The following SNRPB variants were observed in gnomAD, a reference collection of about 807,000 sequenced individuals.
SNRPB encodes small nuclear ribonucleoprotein-associated proteins B and B'.
SNRPB carries 5 observed loss-of-function variants against 26.6 expected under a neutral mutation model. That is an observed-to-expected ratio of 0.19 (90% CI 0.10 to 0.39). SNRPB has a LOEUF of 0.39. Among genes scored for constraint, SNRPB ranks in the 10% least tolerant of loss-of-function variants. The pLI is 1.00. For missense variants in SNRPB, 211 were observed against 311.9 expected, an observed-to-expected ratio of 0.68 and a Z score of 2.44; for synonymous variants, 122 against 105.8, an observed-to-expected ratio of 1.15 and a Z score of -0.94.
At chr20:2,468,353 C>G (rs1216380586) in intron 1 of SNRPB, among the ~76,000 whole-genome samples, 1 of 152,192 alleles carries the variant, frequency 6.6e-6, no homozygotes, top group Non-Finnish European at 1.5e-5. Flanking sequence ...ATATAATGGT[C>G]TTTAACCCAA....
At position 2,465,824 on chromosome 20, in the gene SNRPB, A is replaced by G. The variant is rs1228246239; in HGVS notation, c.156-5T>C. 6.2e-7 allele frequency: 1 copy of G among 1,612,058 alleles called. No homozygotes were observed. The highest frequency in any genetic ancestry group is 2.2e-5 in the East Asian group (1 of 44,824). On this transcript the variant is annotated splice_region_variant and splice_polypyrimidine_tract_variant and intron_variant, in intron 2 of 6. Transcript: ENST00000381342. Reference sequence around the variant, plus strand: ...GCTTGTTTGGAGTTCTTTGGCCTAAAGAGAGGTTTAGAAGGAACAAAAAAA... The same window carrying G: ...GCTTGTTTGGAGTTCTTTGGCCTAAGGAGAGGTTTAGAAGGAACAAAAAAA...
At chr20:2,470,332 C>T (rs1321518568) in intron 1 of SNRPB, among the ~76,000 whole-genome samples, 1 of 152,224 alleles carries the variant, frequency 6.6e-6, no homozygotes, top group Admixed American at 6.5e-5. Flanking sequence ...TTACCGGGTC[C>T]CCCTGCGGCT....
intron 6 of SNRPB, 44 bp downstream of exon 6, chr20:2,462,592 A>G: frequency 6.4e-7 from 1 of 1,567,736 alleles, no homozygotes; most frequent in Non-Finnish European, 8.8e-7. Flanking sequence ...CTATCCCACT[A>G]GGCTCTAGGG....
At chr20:2,462,491 G>A in intron 6 of SNRPB, 145 bp downstream of exon 6, 1 of 817,634 alleles carries the variant, frequency 1.2e-6, no homozygotes, top group Non-Finnish European at 2.1e-6. Flanking sequence ...TTTAAGAAAT[G>A]TTCCCTCTTC....
In SNRPB at chr20:2,462,683, A is replaced by G; in HGVS notation, c.638T>C (p.Met213Thr). 6.2e-7 allele frequency: 1 copy of G among 1,609,392 alleles called. No homozygotes were observed. The highest frequency in any genetic ancestry group is 8.5e-7 in the Non-Finnish European group (1 of 1,176,280). ...CCGCATTCCCGGAGGGGGCATGCCC[A>G]TTGGAGTCCCTCTTCCAGGGGGGAT... ...MGIPPGRGTPMGMPPPGMRPP... is the reference protein window; with the variant it reads ...MGIPPGRGTPTGMPPPGMRPP... The change falls in exon 6 of 7, where the codon ATG (methionine) becomes ACG (threonine). Residue 213 changes from methionine to threonine, a missense_variant. Transcript: ENST00000381342.
In SNRPB at chr20:2,461,684, C is replaced by CTTTTT; in HGVS notation, c.*244_*245insAAAAA. On this transcript the variant is annotated 3_prime_UTR_variant, in exon 7 of 7. Coordinates refer to ENST00000381342, the MANE Select transcript of SNRPB (RefSeq NM_003091.4). ...TTTATTATAAACCAGTTTCATAGGCCACAAGGAGATAAAAGGACTATGTAC... is the reference window on the plus strand; with the variant it reads ...TTTATTATAAACCAGTTTCATAGGCCTTTTTACAAGGAGATAAAAGGACTATGTAC... 4.7e-6 allele frequency: 5 copies of CTTTTT among 1,059,664 alleles called. No homozygotes were observed. The East Asian group carries it at 1.3e-4, about 27-fold the overall frequency. 65.6% of individuals were successfully genotyped at this position (1,059,664 alleles called of 1,614,324 possible).
intron 1 of SNRPB, among the ~76,000 whole-genome samples, chr20:2,468,448 G>T (rs1041461760): frequency 3.9e-5 from 6 of 152,128 alleles, no homozygotes. Flanking sequence ...GAACTGTCAG[G>T]TACCCTAAGC....
intron 3 of SNRPB, among the ~76,000 whole-genome samples, chr20:2,464,633 CTA>C (rs974017591): frequency 3.3e-5 from 5 of 152,146 alleles, no homozygotes; most frequent in Non-Finnish European, 5.9e-5. Context: ...TATATGCCCA[CTA>C]TGTGTTAAGT....
chr20:2,469,064 T>C (rs888903885), intron 1 of SNRPB, among the ~76,000 whole-genome samples: 1 of 152,256 alleles, frequency 6.6e-6, no homozygotes, highest in African/African-American at 2.4e-5. Context: ...CAACATTCAC[T>C]GGTCCAGCTC....
At chr20:2,464,778 G>A (rs1346484035) in intron 3 of SNRPB, among the ~76,000 whole-genome samples, 11 of 152,000 alleles carry the variant, frequency 7.2e-5, no homozygotes, top group Non-Finnish European at 1.3e-4. Flanking sequence ...GCTGAGGCAG[G>A]AGAATCACTT....
chr20:2,464,866 C>T (rs1322372140), intron 3 of SNRPB, among the ~76,000 whole-genome samples: 2 of 83,018 alleles, frequency 2.4e-5, no homozygotes, highest in East Asian at 3.8e-4. Context: ...GAGACTCCAT[C>T]TAAAAATCTA....
At chr20:2,466,399 GCAA>G (rs1178952314) in intron 2 of SNRPB, among the ~76,000 whole-genome samples, 1 of 151,922 alleles carries the variant, frequency 6.6e-6, no homozygotes, top group Non-Finnish European at 1.5e-5. Context: ...CCCCCAAAAA[GCAA>G]CAACCAGAAA....
At chr20:2,465,858 G>C (rs371289336) in intron 2 of SNRPB, 39 bp from the exon 3 acceptor site, 1 of 1,531,480 alleles carries the variant, frequency 6.5e-7, no homozygotes, top group East Asian at 2.2e-5. Context: ...AAGTGTTAGA[G>C]GTGGGTAAAG....
At chr20:2,468,644 G>T (rs1600002422) in intron 1 of SNRPB, among the ~76,000 whole-genome samples, 1 of 152,192 alleles carries the variant, frequency 6.6e-6, no homozygotes, top group African/African-American at 2.4e-5. Flanking sequence ...TTGACTCCAT[G>T]GCCGGGCTCA....
At chr20:2,470,078 T>C (rs934765266) in intron 1 of SNRPB, among the ~76,000 whole-genome samples, 2 of 152,230 alleles carry the variant, frequency 1.3e-5, no homozygotes, top group Admixed American at 1.3e-4. Flanking sequence ...TGTCCCCAGC[T>C]ACCTCTGTGA....
chr20:2,470,600 A>C, intron 1 of SNRPB, 88 bp downstream of exon 1: 1 of 1,562,704 alleles, frequency 6.4e-7, no homozygotes, highest in Non-Finnish European at 8.8e-7. Flanking sequence ...AAGTGGCTCC[A>C]ACCCACGGCT....
At chr20:2,466,152 G>A (rs534034560) in intron 2 of SNRPB, among the ~76,000 whole-genome samples, 2 of 152,096 alleles carry the variant, frequency 1.3e-5, no homozygotes, top group Admixed American at 6.5e-5. Flanking sequence ...CCTCCCTTCA[G>A]CTTAAGGTCT....
At chr20:2,466,617 C>A (rs1385312844) in intron 2 of SNRPB, among the ~76,000 whole-genome samples, 1 of 152,122 alleles carries the variant, frequency 6.6e-6, no homozygotes, top group Non-Finnish European at 1.5e-5. Context: ...TTTTGGCTCA[C>A]ATTTTCTTAT....
At chr20:2,464,993 T>C (rs1052580104) in intron 3 of SNRPB, among the ~76,000 whole-genome samples, 15 of 152,218 alleles carry the variant, frequency 9.9e-5, no homozygotes, top group Admixed American at 9.8e-4. Flanking sequence ...GAATCAAGAC[T>C]GTCTGAGATC....
Sources: allele counts gnomAD v4.1 joint callset (sites outside exome capture counted in the v4.1 genomes callset), GRCh38; gene constraint gnomAD v4.1.1; transcripts MANE v1.5; gene names NCBI Gene and HGNC (gene_info 2026-07-23, HGNC 2026-07-21).